Variants in IL2RA observed in about 807,000 individuals in gnomAD.
IL2RA encodes interleukin-2 receptor subunit alpha.
IL2RA carries 24 observed loss-of-function variants against 37.8 expected under a neutral mutation model. That is an observed-to-expected ratio of 0.63 (90% CI 0.46 to 0.89). IL2RA has a LOEUF of 0.89. IL2RA is among the 40% of genes least tolerant of loss of function. The pLI is 0.00. For synonymous variants in IL2RA, 125 were observed against 114.6 expected (o/e 1.09, Z -0.58); for missense variants, 319 against 348.6 (o/e 0.92, Z 0.68).
rs532379092 is a variant in IL2RA, at chr10:6,036,171, T to C, written c.65-10146A>G. On this transcript the variant is annotated intron_variant, in intron 1 of 7. Coordinates refer to ENST00000379959, the MANE Select transcript of IL2RA (RefSeq NM_000417.3). This position sits in a 1 kb window ranked among gnomAD's most constrained non-coding sequence, Gnocchi z 6.1. ...TAAAGATTCAACTTCTCTGTCTCTTTGTGTGCCCGCTAGAAAGGGAAAAGC... is the reference window on the plus strand; with the variant it reads ...TAAAGATTCAACTTCTCTGTCTCTTCGTGTGCCCGCTAGAAAGGGAAAAGC... 6.6e-6 allele frequency: 1 copy of C among 152,382 alleles called. No individual in the cohort carries two copies. Among genetic ancestry groups the C allele is most frequent in the East Asian group, 1.9e-4 (1 of 5,184 alleles). The allele number at this position is 152,382 out of a possible 1,614,324, so 9.4% of individuals were successfully genotyped here.
At chr10:6,031,455 C>CGT (rs1839575836) in intron 1 of IL2RA, among the ~76,000 whole-genome samples, 1 of 67,178 alleles carries the variant, frequency 1.5e-5, no homozygotes, top group African/African-American at 6.6e-5. Flanking sequence ...TATATATATA[C>CGT]ATATATATAT....
intron 1 of IL2RA, among the ~76,000 whole-genome samples, chr10:6,042,147 G>GAAAAAAAAAAAAA (rs1564549478): frequency 8.3e-3 from 10 of 1,208 alleles, no homozygotes; most frequent in East Asian, 0.028. Context: ...AATGTATTAA[G>GAAAAAAAAAAAAA]CAAAAAAAAA....
rs763638163 is a variant in IL2RA, at chr10:6,025,986, G to A, written c.104C>T (p.Thr35Ile). The change falls in exon 2 of 8, where the codon ACA becomes ATA. Residue 35 changes from threonine to isoleucine, a missense_variant. By Grantham distance (89) the Thr-to-Ile change is moderately conservative. Transcript: ENST00000379959. The surrounding 1 kb of genome is among the most constrained non-coding windows in gnomAD (Gnocchi z 4.4). ...DDDPPEIPHA[T>I]FKAMAYKEGT... ...TTCCTTGTAGGCCATGGCTTTGAATGTGGCGTGTGGGATCTCTGGCGGGTC... is the reference window on the plus strand; with the variant it reads ...TTCCTTGTAGGCCATGGCTTTGAATATGGCGTGTGGGATCTCTGGCGGGTC... 6.2e-7 allele frequency: 1 copy of A among 1,613,822 alleles called. No individual in the cohort carries two copies. Among genetic ancestry groups the A allele is most frequent in the South Asian group, 1.1e-5 (1 of 91,064 alleles).
intron 1 of IL2RA, among the ~76,000 whole-genome samples, chr10:6,050,452 C>T (rs1036616217): frequency 1.6e-4 from 24 of 152,272 alleles, no homozygotes; most frequent in African/African-American, 5.3e-4. Context: ...GCCTGGCCAA[C>T]ATGGTCTCTA....
In IL2RA at chr10:6,033,390, A is replaced by G. The variant is rs185581007; in HGVS notation, c.65-7365T>C. On this transcript the variant is annotated intron_variant, in intron 1 of 7. Coordinates refer to ENST00000379959, the MANE Select transcript of IL2RA (RefSeq NM_000417.3). This position sits in a 1 kb window ranked among gnomAD's most constrained non-coding sequence, Gnocchi z 4.3. Reference sequence around the variant, plus strand: ...TATATACCTGCCCTACAATTCAGCAATTCTACTTCTAGGTATTTATCTAAG... The same window carrying G: ...TATATACCTGCCCTACAATTCAGCAGTTCTACTTCTAGGTATTTATCTAAG... Among the ~76,000 whole-genome samples, 5 of 152,314 alleles carry G rather than the reference A, an allele frequency of 3.3e-5. No homozygotes were observed. The East Asian group carries it at 9.6e-4, about 29-fold the overall frequency.
In IL2RA at chr10:6,014,175, G is replaced by A. The variant is rs1195176403; in HGVS notation, c.795-1279C>T. Among the ~76,000 whole-genome samples the A allele has an allele frequency of 6.6e-6, 1 of 152,120 alleles. No homozygotes were observed. The highest frequency in any genetic ancestry group is 2.4e-5 in the African/African-American group (1 of 41,428). ...TTAAAAACCAGTTTGCAGAAGTCCC[G>A]AAAATTTAACCGCTGGCTCTCACAA... On this transcript the variant is annotated intron_variant, in intron 7 of 7. Transcript: ENST00000379959. The surrounding 1 kb of genome is among the most constrained non-coding windows in gnomAD (Gnocchi z 4.4).
chr10:6,062,051 C>A, intron 1 of IL2RA, 37 bp downstream of exon 1: 1 of 1,565,944 alleles, frequency 6.4e-7, no homozygotes, highest in Non-Finnish European at 8.8e-7. Flanking sequence ...TGCCCATCAG[C>A]CTTCCCGGAA....
At chr10:6,040,784 G>T (rs1460967714) in intron 1 of IL2RA, among the ~76,000 whole-genome samples, 1 of 152,082 alleles carries the variant, frequency 6.6e-6, no homozygotes, top group Non-Finnish European at 1.5e-5. Context: ...GCATACAATT[G>T]TTGGAAAAAG....
intron 1 of IL2RA, among the ~76,000 whole-genome samples, chr10:6,050,714 T>C (rs1839939074): frequency 6.6e-6 from 1 of 152,186 alleles, no homozygotes; most frequent in Non-Finnish European, 1.5e-5. Flanking sequence ...ATGAGGAATC[T>C]GTAAGATCAC....
rs1204990101 is a variant in IL2RA, at chr10:6,012,369, T to A, written c.*503A>T. On this transcript the variant is annotated 3_prime_UTR_variant, in exon 8 of 8. Transcript: ENST00000379959. This position sits in a 1 kb window ranked among gnomAD's most constrained non-coding sequence, Gnocchi z 4.8. ...TTATTAGGCAACGTGAACGGGAGAA[T>A]CAGCAGTCAGAAGCGGCTGAGAAAG... The A allele has an allele frequency of 1.2e-5, 2 of 161,640 alleles. No individual in the cohort carries two copies. Among genetic ancestry groups the A allele is most frequent in the African/African-American group, 4.8e-5 (2 of 41,612 alleles). 10.0% of individuals were successfully genotyped at this position (161,640 alleles called of 1,614,324 possible).
At chr10:6,027,592 C>T (rs754811885) in intron 1 of IL2RA, among the ~76,000 whole-genome samples, 11 of 152,266 alleles carry the variant, frequency 7.2e-5, no homozygotes, top group East Asian at 5.8e-4. Context: ...GGCTCAGCTT[C>T]GTGCTGTAAT....
At chr10:6,059,305 A>T (rs1840090773) in intron 1 of IL2RA, among the ~76,000 whole-genome samples, 1 of 152,202 alleles carries the variant, frequency 6.6e-6, no homozygotes, top group African/African-American at 2.4e-5. Flanking sequence ...GAAACAGAAC[A>T]ATCCAGGGAG....
Position 6,036,217 on chromosome 10 carries a change from GC to G in IL2RA, c.65-10193del, listed in dbSNP as rs1268364924. On this transcript the variant is annotated intron_variant, in intron 1 of 7. Transcript: ENST00000379959. This position sits in a 1 kb window ranked among gnomAD's most constrained non-coding sequence, Gnocchi z 6.1. ...AAAGCCAGGCATTTGTAGTCCTCCT[GC>G]CACAGATGACCAGAATGACCTCACC... 1 of 152,210 alleles carries G rather than the reference GC, an allele frequency of 6.6e-6. No individual in the cohort carries two copies. The highest frequency in any genetic ancestry group is 1.5e-5 in the Non-Finnish European group (1 of 68,052). 9.4% of individuals were successfully genotyped at this position (152,210 alleles called of 1,614,324 possible). A position where few individuals can be genotyped will look rare whatever the true frequency, so the allele number is the denominator to read the frequency against.
Position 6,012,708 on chromosome 10 carries a change from A to C in IL2RA, c.*164T>G. 1 of 734,436 alleles carries C rather than the reference A, an allele frequency of 1.4e-6. No individual in the cohort carries two copies. The highest frequency in any genetic ancestry group is 1.5e-5 in the South Asian group (1 of 65,552). The allele number at this position is 734,436 out of a possible 1,614,324, so 45.5% of individuals were successfully genotyped here. A position where few individuals can be genotyped will look rare whatever the true frequency, so the allele number is the denominator to read the frequency against. ...GAGCTGGCATAGAGACAAGGTTGCC[A>C]CTGCCCCGTGTCCTGTGATGTGACT... On this transcript the variant is annotated 3_prime_UTR_variant, in exon 8 of 8. Coordinates refer to ENST00000379959, the MANE Select transcript of IL2RA (RefSeq NM_000417.3). This position sits in a 1 kb window ranked among gnomAD's most constrained non-coding sequence, Gnocchi z 4.8.
chr10:6,053,009 G>T (rs964545629), intron 1 of IL2RA, among the ~76,000 whole-genome samples: 11 of 152,244 alleles, frequency 7.2e-5, no homozygotes, highest in African/African-American at 1.7e-4. Flanking sequence ...TGCTCTAGCA[G>T]GTTGAGGAGT....
chr10:6,036,214 C>T lies in IL2RA; in HGVS notation c.65-10189G>A, dbSNP rs1053768897. On this transcript the variant is annotated intron_variant, in intron 1 of 7. Transcript: ENST00000379959. The surrounding 1 kb of genome is among the most constrained non-coding windows in gnomAD (Gnocchi z 6.1). ...GGAAAAGCCAGGCATTTGTAGTCCT[C>T]CTGCCACAGATGACCAGAATGACCT... 1.3e-5 allele frequency: 2 copies of T among 152,230 alleles called. No individual in the cohort carries two copies. Among genetic ancestry groups the T allele is most frequent in the African/African-American group, 2.4e-5 (1 of 41,444 alleles). The allele number at this position is 152,230 out of a possible 1,614,324, so 9.4% of individuals were successfully genotyped here.
Position 6,021,889 on chromosome 10 carries a change from C to G in IL2RA, c.368-196G>C, listed in dbSNP as rs1357297708. ...GGCCCTGTAGGAAGGCACGAAGACC[C>G]TGTCACTCCTGCAAGGGGTGGACAG... On this transcript the variant is annotated intron_variant, in intron 3 of 7. Transcript: ENST00000379959. This position sits in a 1 kb window ranked among gnomAD's most constrained non-coding sequence, Gnocchi z 4.9. Among the ~76,000 whole-genome samples the G allele has an allele frequency of 6.6e-6, 1 of 152,136 alleles. No homozygotes were observed. The highest frequency in any genetic ancestry group is 1.5e-5 in the Non-Finnish European group (1 of 68,026).
At chr10:6,016,486 A>G (rs1259155949) in intron 7 of IL2RA, among the ~76,000 whole-genome samples, 2 of 151,736 alleles carry the variant, frequency 1.3e-5, no homozygotes, top group South Asian at 4.2e-4. Context: ...TAAATGATGA[A>G]TTTTATCTCA....
chr10:6,045,984 G>A (rs1044820516), intron 1 of IL2RA, among the ~76,000 whole-genome samples: 3 of 152,162 alleles, frequency 2.0e-5, no homozygotes, highest in African/African-American at 7.2e-5. Context: ...TCAGGTGAGG[G>A]CCGGTCCTGT....
Sources: allele counts gnomAD v4.1 joint callset (sites outside exome capture counted in the v4.1 genomes callset), GRCh38; gene constraint gnomAD v4.1.1; non-coding constraint Gnocchi (gnomAD v3.1); transcripts MANE v1.5; gene names NCBI Gene and HGNC (gene_info 2026-07-23, HGNC 2026-07-21).